The following ALK variants were observed in gnomAD, a reference collection of about 807,000 sequenced individuals.
ALK encodes ALK tyrosine kinase receptor.
A neutral mutation model predicts 163.1 loss-of-function variants in ALK; 74 were observed. The ratio of observed to expected loss-of-function variants is 0.45; its 90% CI spans 0.38 to 0.55. ALK has a LOEUF of 0.55. ALK is among the 20% of genes least tolerant of loss of function. ALK has a pLI of 0.00. For synonymous variants in ALK, 960 were observed against 843.2 expected, an observed-to-expected ratio of 1.14 and a Z score of -2.40; for missense variants, 2,063 against 2,105.3, an observed-to-expected ratio of 0.98 and a Z score of 0.39.
chr2:29,671,248 G>T (rs1677677513), intron 3 of ALK, among the ~76,000 whole-genome samples: 1 of 152,108 alleles, frequency 6.6e-6, no homozygotes, highest in Non-Finnish European at 1.5e-5. Flanking sequence ...AATAGTCAAA[G>T]TGCTGCCTGT....
At chr2:29,649,138 C>CT in intron 3 of ALK, among the ~76,000 whole-genome samples, 1 of 150,754 alleles carries the variant, frequency 6.6e-6, no homozygotes, top group East Asian at 1.9e-4. Flanking sequence ...TTGTGTATGC[C>CT]TTTTATAGTG....
chr2:29,878,569 A>G (rs1182301257), intron 1 of ALK, among the ~76,000 whole-genome samples: 2 of 152,200 alleles, frequency 1.3e-5, no homozygotes. Context: ...GCATTTTAAA[A>G]CAACTTCCCC....
At position 29,717,575 on chromosome 2, in the gene ALK, T is replaced by G; in HGVS notation, c.787+3A>C. 6.2e-7 allele frequency: 1 copy of G among 1,614,014 alleles called. No homozygotes were observed. The highest frequency in any genetic ancestry group is 8.5e-7 in the Non-Finnish European group (1 of 1,179,866). ...CTCAAGTAAATATTAAACATATACT[T>G]ACCATATCGGCTGCGATGAGACAGG... On this transcript the variant is annotated splice_donor_region_variant and intron_variant, in intron 2 of 28. Transcript: ENST00000389048.
chr2:29,660,258 C>T (rs1247292637), intron 3 of ALK, among the ~76,000 whole-genome samples: 1 of 152,160 alleles, frequency 6.6e-6, no homozygotes, highest in African/African-American at 2.4e-5. Flanking sequence ...AATCCTAGCC[C>T]AGGAAATGCA....
intron 1 of ALK, among the ~76,000 whole-genome samples, chr2:29,760,172 C>T (rs993864008): frequency 1.3e-5 from 2 of 152,022 alleles, no homozygotes; most frequent in East Asian, 3.9e-4. Flanking sequence ...CCCCTACACA[C>T]CCACACATCC....
chr2:29,627,377 C>T (rs1676226840), intron 3 of ALK, among the ~76,000 whole-genome samples: 1 of 152,222 alleles, frequency 6.6e-6, no homozygotes, highest in African/African-American at 2.4e-5. Context: ...CTCTCCCCAA[C>T]ATAAGGCTCA....
At chr2:29,669,278 T>C (rs1444897994) in intron 3 of ALK, among the ~76,000 whole-genome samples, 1 of 152,126 alleles carries the variant, frequency 6.6e-6, no homozygotes, top group African/African-American at 2.4e-5. Context: ...TTGGGAGCTC[T>C]GATATTAGGT....
intron 3 of ALK, among the ~76,000 whole-genome samples, chr2:29,658,746 C>T (rs1025122628): frequency 6.6e-6 from 1 of 152,106 alleles, no homozygotes; most frequent in African/African-American, 2.4e-5. Context: ...TTAAGTGATA[C>T]AAATTTTCTG....
At chr2:29,808,339 G>C (rs561067175) in intron 1 of ALK, among the ~76,000 whole-genome samples, 7 of 152,242 alleles carry the variant, frequency 4.6e-5, no homozygotes, top group African/African-American at 1.4e-4. Flanking sequence ...AGGCAGCCTC[G>C]TCTGAAAAGC....
At chr2:29,534,669 G>A (rs1673206201) in intron 3 of ALK, among the ~76,000 whole-genome samples, 1 of 152,216 alleles carries the variant, frequency 6.6e-6, no homozygotes, top group African/African-American at 2.4e-5. Flanking sequence ...TTCTCAGGAA[G>A]ATTACTGCTA....
chr2:29,389,711 C>T lies in ALK; in HGVS notation c.1155-5852G>A, dbSNP rs539664066. 2.6e-4 allele frequency among the ~76,000 whole-genome samples: 39 copies of T among 152,308 alleles called. 1 individual carries two copies. The highest frequency in any genetic ancestry group is 6.8e-3 in the Middle Eastern group (2 of 294). On this transcript the variant is annotated intron_variant, in intron 4 of 28. Coordinates refer to ENST00000389048, the MANE Select transcript of ALK (RefSeq NM_004304.5). The stretch of plus-strand genomic sequence containing the variant: ...TGCAGTGGAGCTGAGTTAATCCAAA[C>T]GTTCGTGTCAATTCATGAACACTAG...
At chr2:29,861,436 A>C (rs1372057168) in intron 1 of ALK, among the ~76,000 whole-genome samples, 4 of 152,178 alleles carry the variant, frequency 2.6e-5, no homozygotes, top group Non-Finnish European at 5.9e-5. Flanking sequence ...AAAATAAAAA[A>C]TGAAAGAGGA....
intron 4 of ALK, among the ~76,000 whole-genome samples, chr2:29,506,758 A>C (rs1478267916): frequency 1.6e-5 from 1 of 63,698 alleles, no homozygotes; most frequent in Non-Finnish European, 5.2e-5. Context: ...AAACAAAACA[A>C]AAAAAAAAAG....
chr2:29,280,309 T>C (rs540221932), intron 9 of ALK, among the ~76,000 whole-genome samples: 4 of 145,136 alleles, frequency 2.8e-5, no homozygotes, highest in South Asian at 2.2e-4. Context: ...GTATGTACCA[T>C]GTAGACCACT....
intron 4 of ALK, among the ~76,000 whole-genome samples, chr2:29,457,209 T>A (rs1007105602): frequency 6.6e-6 from 1 of 152,060 alleles, no homozygotes; most frequent in Admixed American, 6.5e-5. Flanking sequence ...CAGCTAACAC[T>A]TCAGCATTGG....
chr2:29,632,491 A>G (rs1326123222), intron 3 of ALK, among the ~76,000 whole-genome samples: 1 of 152,194 alleles, frequency 6.6e-6, no homozygotes, highest in African/African-American at 2.4e-5. Context: ...ATAAGGTTGT[A>G]AAAGGTAATT....
intron 4 of ALK, among the ~76,000 whole-genome samples, chr2:29,465,872 T>A (rs1671198462): frequency 6.6e-6 from 1 of 152,002 alleles, no homozygotes; most frequent in African/African-American, 2.4e-5. Flanking sequence ...GAATGCTTAA[T>A]GAAAAAATAA....
At chr2:29,473,140 G>C (rs920290640) in intron 4 of ALK, among the ~76,000 whole-genome samples, 1 of 152,236 alleles carries the variant, frequency 6.6e-6, no homozygotes, top group African/African-American at 2.4e-5. Context: ...ATTTAAAACA[G>C]TGTGGTACTT....
intron 9 of ALK, among the ~76,000 whole-genome samples, chr2:29,284,300 T>C (rs986162460): frequency 6.6e-6 from 1 of 152,084 alleles, no homozygotes; most frequent in Non-Finnish European, 1.5e-5. Flanking sequence ...GTTATGAGCA[T>C]TGATGAGGTT....
Sources: gnomAD v4.1 joint callset for allele counts (sites outside exome capture counted in the v4.1 genomes callset) on GRCh38, gnomAD v4.1.1 for gene constraint, MANE v1.5 for transcripts, NCBI Gene and HGNC (gene_info 2026-07-23, HGNC 2026-07-21) for gene names.